Variants in SVIL observed in about 807,000 individuals in gnomAD.
SVIL encodes the protein supervillin.
Under a neutral mutation model 240.4 loss-of-function variants are expected in SVIL, and 101 were observed. The observed-to-expected ratio is 0.42, with a 90% CI of 0.36 to 0.50. SVIL has a LOEUF of 0.50. SVIL is among the 20% of genes least tolerant of loss of function. The probability of loss-of-function intolerance (pLI) is 0.01; values close to 1 mark genes in which losing one functional copy is unlikely to be tolerated. For synonymous variants in SVIL, 999 were observed against 1,100.0 expected, an observed-to-expected ratio of 0.91 and a Z score of 1.82; for missense variants, 2,512 against 2,818.7, an observed-to-expected ratio of 0.89 and a Z score of 2.46.
intron 6 of SVIL, among the ~76,000 whole-genome samples, chr10:29,538,632 G>GGGAACGACCCATCTCCATA (rs1951911894): frequency 6.6e-6 from 1 of 152,220 alleles, no homozygotes; most frequent in Non-Finnish European, 1.5e-5. Context: ...CAACCATGAG[G>GGGAACGACCCATCTCCATA]GGAACGACCC....
chr10:29,585,426 G>T (rs1276422970), intron 1 of SVIL, among the ~76,000 whole-genome samples: 1 of 152,084 alleles, frequency 6.6e-6, no homozygotes, highest in East Asian at 1.9e-4. Flanking sequence ...CTGGCCTCAA[G>T]AATCCTTCCA....
chr10:29,562,510 C>T (rs1954580190), intron 3 of SVIL, among the ~76,000 whole-genome samples: 1 of 152,234 alleles, frequency 6.6e-6, no homozygotes, highest in African/African-American at 2.4e-5. Flanking sequence ...CCTGTAATCG[C>T]AGCACTTTGC....
intron 1 of SVIL, among the ~76,000 whole-genome samples, chr10:29,615,000 A>G (rs1447513867): frequency 1.3e-5 from 2 of 152,140 alleles, no homozygotes; most frequent in African/African-American, 4.8e-5. Flanking sequence ...CATTTTACAG[A>G]TGAGGAAATT....
At chr10:29,508,583 C>T (rs2132472471) in intron 17 of SVIL, 4 of 369,388 alleles carry the variant, frequency 1.1e-5, no homozygotes, top group South Asian at 6.2e-5. Flanking sequence ...GTTTAGAGAG[C>T]ATTCCCTCAG....
rs572891913 is a variant in SVIL, at chr10:29,537,464, G to T, written c.828-1395C>A. ...TGAAGGTATTTTAGAGAAACATCAT[G>T]GGTAAGGACAACCTTGTTTTAACAA... On this transcript the variant is annotated intron_variant, in intron 6 of 37. Coordinates refer to ENST00000355867, the MANE Select transcript of SVIL (RefSeq NM_021738.3). 2.6e-5 allele frequency among the ~76,000 whole-genome samples: 4 copies of T among 152,306 alleles called. No individual in the cohort carries two copies. In the East Asian group the frequency reaches 7.7e-4, roughly 29 times the overall value.
chr10:29,458,602 A>C lies in SVIL; in HGVS notation c.6403-13T>G, dbSNP rs757968208. Reference sequence around the variant, plus strand: ...AAACTTCCGTGTCCTAGAGAAGAGGAGGGGGCAGAGAGGAGAGCTCGTGTC... The same window carrying C: ...AAACTTCCGTGTCCTAGAGAAGAGGCGGGGGCAGAGAGGAGAGCTCGTGTC... On this transcript the variant is annotated splice_polypyrimidine_tract_variant and intron_variant, in intron 36 of 37. Coordinates refer to ENST00000355867, the MANE Select transcript of SVIL (RefSeq NM_021738.3). 137 of 1,611,320 alleles carry C rather than the reference A, an allele frequency of 8.5e-5. No homozygotes were observed. Among genetic ancestry groups the C allele is most frequent in the Non-Finnish European group, 1.1e-4 (131 of 1,179,104 alleles).
At chr10:29,724,759 C>T (rs373472832) in intron 1 of SVIL, among the ~76,000 whole-genome samples, 7 of 152,168 alleles carry the variant, frequency 4.6e-5, no homozygotes, top group African/African-American at 1.7e-4. Flanking sequence ...AGGTGGCTCA[C>T]GCCTGTAATC....
chr10:29,536,779 T>C (rs1032672469), intron 6 of SVIL, among the ~76,000 whole-genome samples: 20 of 151,868 alleles, frequency 1.3e-4, no homozygotes, highest in African/African-American at 4.8e-4. Context: ...GGTGTGGTAG[T>C]GGGCACCAGT....
chr10:29,635,489 T>C (rs751848783), upstream of SVIL, among the ~76,000 whole-genome samples: 4 of 152,204 alleles, frequency 2.6e-5, no homozygotes, highest in Admixed American at 6.5e-5. Context: ...GGAAGTACTT[T>C]CTCGAAAATG....
chr10:29,479,198 C>A (rs1366326453), intron 29 of SVIL, among the ~76,000 whole-genome samples: 6 of 152,190 alleles, frequency 3.9e-5, no homozygotes, highest in Non-Finnish European at 7.3e-5. Flanking sequence ...AGACTCACAG[C>A]TGCCCACATC....
chr10:29,459,738 A>G (rs1278356937), intron 36 of SVIL, among the ~76,000 whole-genome samples: 2 of 152,166 alleles, frequency 1.3e-5, no homozygotes, highest in Non-Finnish European at 2.9e-5. Flanking sequence ...GATGGTGGGA[A>G]TGCATGACTA....
At chr10:29,693,328 G>A (rs1288380407) in intron 1 of SVIL, among the ~76,000 whole-genome samples, 1 of 151,674 alleles carries the variant, frequency 6.6e-6, no homozygotes, top group Non-Finnish European at 1.5e-5. Context: ...GTGGGGGAGA[G>A]GAGCAAAGGC....
At chr10:29,667,571 G>T (rs1341365065) in intron 2 of SVIL, among the ~76,000 whole-genome samples, 7 of 152,094 alleles carry the variant, frequency 4.6e-5, no homozygotes, top group African/African-American at 1.7e-4. Context: ...ACACACCTGG[G>T]CCAGGTGTAG....
rs572377448 is a variant in SVIL at position 29,679,961 on chromosome 10, T to C, written c.-301+6592A>G. On this transcript the variant is annotated intron_variant, in intron 2 of 35. Transcript: ENST00000375400. The stretch of plus-strand genomic sequence containing the variant: ...ACTTTGGGAGGCTGAGGCAGGAGGA[T>C]TGCTTGAGCCCAGGAGTTCGAGACC... Among the ~76,000 whole-genome samples, 30 of 151,494 alleles carry C rather than the reference T, an allele frequency of 2.0e-4. No individual in the cohort carries two copies. The East Asian group carries it at 5.3e-3, about 27-fold the overall frequency.
At chr10:29,477,173 T>G (rs926063788) in intron 29 of SVIL, among the ~76,000 whole-genome samples, 22 of 152,212 alleles carry the variant, frequency 1.4e-4, no homozygotes, top group African/African-American at 5.1e-4. Context: ...AGCTATTCTC[T>G]TTACAACCTT....
Position 29,463,561 on chromosome 10 carries a change from C to A in SVIL, c.6208G>T (p.Gly2070Cys). The A allele has an allele frequency of 6.2e-7, 1 of 1,614,188 alleles. No individual in the cohort carries two copies. Among genetic ancestry groups the A allele is most frequent in the South Asian group, 1.1e-5 (1 of 91,082 alleles). Residue 2070 changes from glycine (G) to cysteine (C), a missense_variant, in exon 35 of 38, where the codon GGT becomes TGT. Gly to Cys is a radical substitution (Grantham distance 159, BLOSUM62 -3). Transcript: ENST00000355867. ...GAGGCCCAGCGGATGCGGGCGGAAC[C>A]AGTGATCTTGTTCTCGATGGGCCAC... The part of the protein sequence containing the change: ...GWWPIENKIT[G>C]SARIRWASDR...
At chr10:29,633,289 C>T (rs1408752731) in intron 1 of SVIL, among the ~76,000 whole-genome samples, 1 of 150,060 alleles carries the variant, frequency 6.7e-6, no homozygotes, top group Non-Finnish European at 1.5e-5. Flanking sequence ...GAAGAGACAG[C>T]ACACATCTGC....
intron 1 of SVIL, among the ~76,000 whole-genome samples, chr10:29,687,606 G>A (rs1299946291): frequency 6.6e-6 from 1 of 152,212 alleles, no homozygotes; most frequent in Non-Finnish European, 1.5e-5. Flanking sequence ...TCTGGGAAGG[G>A]AGGTTGCAGT....
intron 1 of SVIL, among the ~76,000 whole-genome samples, chr10:29,629,234 C>G (rs774279125): frequency 6.6e-6 from 1 of 151,952 alleles, no homozygotes; most frequent in Non-Finnish European, 1.5e-5. Context: ...AGGTAGAGAG[C>G]GGGAAGGGGT....
Sources: allele counts gnomAD v4.1 joint callset (sites outside exome capture counted in the v4.1 genomes callset), GRCh38; gene constraint gnomAD v4.1.1; transcripts MANE v1.5; gene names NCBI Gene and HGNC (gene_info 2026-07-23, HGNC 2026-07-21).